The following EXOC5 variants were observed in gnomAD, a reference collection of about 807,000 sequenced individuals.
EXOC5 encodes SEC10-like 1.
A neutral mutation model predicts 90.8 loss-of-function variants in EXOC5; 17 were observed. The observed-to-expected ratio is 0.19, with a 90% CI of 0.13 to 0.28. The LOEUF is 0.28. EXOC5 is among the 10% of genes least tolerant of loss of function. EXOC5 has a pLI of 1.00. For missense variants in EXOC5, 569 were observed against 830.6 expected, an observed-to-expected ratio of 0.69 and a Z score of 3.87; for synonymous variants, 260 against 270.0, an observed-to-expected ratio of 0.96 and a Z score of 0.36.
At chr14:57,233,692 A>G in intron 9 of EXOC5, 51 bp downstream of exon 9, 1 of 1,152,062 alleles carries the variant, frequency 8.7e-7, no homozygotes, top group Non-Finnish European at 1.2e-6. Context: ...TATAGGGAAA[A>G]AATTACATAT....
chr14:57,232,731 A>G lies in EXOC5; in HGVS notation c.874T>C (p.Leu292=), dbSNP rs1308363841. 6.5e-7 allele frequency: 1 copy of G among 1,537,780 alleles called. No individual in the cohort carries two copies. The highest frequency in any genetic ancestry group is 8.9e-7 in the Non-Finnish European group (1 of 1,122,436). Residue 292 remains leucine, a synonymous_variant, in exon 10 of 18, where the codon TTA becomes CTA. Transcript: ENST00000621441. Reference sequence around the variant, plus strand: ...GCATCGGACTTCCTACATTCTTCTAACTGCTCTTTCACAAAACTCTAAAAG... The same window carrying G: ...GCATCGGACTTCCTACATTCTTCTAGCTGCTCTTTCACAAAACTCTAAAAG... ...IKLQSFVKEQ[L]EECRKSDAEQ...
intron 12 of EXOC5, among the ~76,000 whole-genome samples, chr14:57,228,917 T>C (rs1260945344): frequency 2.0e-5 from 3 of 152,164 alleles, no homozygotes; most frequent in Admixed American, 2.0e-4. Context: ...TAGCTACTAT[T>C]ATTTGTTTCA....
At chr14:57,237,828 CA>C (rs199757121) in intron 5 of EXOC5, among the ~76,000 whole-genome samples, 1,557 of 151,796 alleles carry the variant, frequency 0.01, 28 homozygotes, top group African/African-American at 0.036. Flanking sequence ...CATTATTATT[CA>C]AAAGAAAAAG....
In EXOC5 at chr14:57,260,815, A is replaced by T. The variant is rs1884482143; in HGVS notation, c.27+7807T>A. On this transcript the variant is annotated intron_variant, in intron 1 of 17. Transcript: ENST00000621441. ...GGATTCTAACCCAGATATTTTTCCC[A>T]CTCTATTATAGTGCCTTTAACATTT... Among the ~76,000 whole-genome samples, 4 of 152,174 alleles carry T rather than the reference A, an allele frequency of 2.6e-5. No individual in the cohort carries two copies. In the South Asian group the frequency reaches 8.3e-4, roughly 32 times the overall value.
chr14:57,242,181 T>A (rs1328519156), intron 4 of EXOC5, among the ~76,000 whole-genome samples: 1 of 151,078 alleles, frequency 6.6e-6, no homozygotes, highest in Non-Finnish European at 1.5e-5. Context: ...CCAACATATG[T>A]GTAAGGACAG....
intron 12 of EXOC5, among the ~76,000 whole-genome samples, chr14:57,227,732 C>G (rs1028071697): frequency 6.6e-6 from 1 of 152,054 alleles, no homozygotes; most frequent in Non-Finnish European, 1.5e-5. Context: ...ACTGCGTATG[C>G]GTATTCTTTG....
rs934477968 is a variant in EXOC5 at position 57,239,567 on chromosome 14, C to G, written c.530+28G>C. 2.4e-6 allele frequency: 3 copies of G among 1,266,826 alleles called. No individual in the cohort carries two copies. The African/African-American group carries it at 4.5e-5, about 19-fold the overall frequency. 78.5% of individuals were successfully genotyped at this position (1,266,826 alleles called of 1,614,324 possible). ...TATTTTATAAATTATACCACATATT[C>G]AAATTAGCTCTTGAGAAATGAACTT... On this transcript the variant is annotated intron_variant, in intron 5 of 17. Transcript: ENST00000621441.
At chr14:57,225,091 A>G (rs1030076702) in intron 12 of EXOC5, among the ~76,000 whole-genome samples, 1 of 152,158 alleles carries the variant, frequency 6.6e-6, no homozygotes, top group African/African-American at 2.4e-5. Context: ...TCCCTCATGA[A>G]CACAGATGTT....
intron 3 of EXOC5, among the ~76,000 whole-genome samples, chr14:57,245,942 C>T (rs537327992): frequency 4.5e-4 from 69 of 151,960 alleles, no homozygotes; most frequent in African/African-American, 1.6e-3. Context: ...CCTACCTACT[C>T]GGGAGGCTGA....
At position 57,260,679 on chromosome 14, in the gene EXOC5, G is replaced by A. The variant is rs567669270; in HGVS notation, c.27+7943C>T. Reference sequence around the variant, plus strand: ...AATCATATAATTAGATTTAAAATTCGTAATGCAAGAATGTTCTTTAAATAT... The same window carrying A: ...AATCATATAATTAGATTTAAAATTCATAATGCAAGAATGTTCTTTAAATAT... On this transcript the variant is annotated intron_variant, in intron 1 of 17. Transcript: ENST00000621441. 1.8e-4 allele frequency among the ~76,000 whole-genome samples: 28 copies of A among 152,112 alleles called. No homozygotes were observed. In the East Asian group the frequency reaches 3.9e-3, roughly 21 times the overall value.
intron 13 of EXOC5, among the ~76,000 whole-genome samples, chr14:57,221,060 CA>C (rs1883122607): frequency 6.6e-6 from 1 of 151,976 alleles, no homozygotes; most frequent in South Asian, 2.1e-4. Context: ...AAATTTAATG[CA>C]ATGAGAAGAT....
At position 57,229,190 on chromosome 14, in the gene EXOC5, A is replaced by C. The variant is rs1291493478; in HGVS notation, c.1296+544T>G. 2.0e-5 allele frequency among the ~76,000 whole-genome samples: 3 copies of C among 150,470 alleles called. No individual in the cohort carries two copies. The East Asian group carries it at 5.8e-4, about 29-fold the overall frequency. On this transcript the variant is annotated intron_variant, in intron 12 of 17. Coordinates refer to ENST00000621441, the MANE Select transcript of EXOC5 (RefSeq NM_006544.4). ...ATTTGATCTGCTCAACTTTAATTTAAAGTTATATTCACATTTATTCCTAAT... is the reference window on the plus strand; with the variant it reads ...ATTTGATCTGCTCAACTTTAATTTACAGTTATATTCACATTTATTCCTAAT...
rs553921194 is a variant in EXOC5, at chr14:57,239,851, G to A, written c.466-192C>T. Among the ~76,000 whole-genome samples the A allele has an allele frequency of 6.6e-5, 10 of 152,180 alleles. No homozygotes were observed. The East Asian group carries it at 1.9e-3, about 29-fold the overall frequency. On this transcript the variant is annotated intron_variant, in intron 4 of 17. Coordinates refer to ENST00000621441, the MANE Select transcript of EXOC5 (RefSeq NM_006544.4). Reference sequence around the variant, plus strand: ...ATACATTTGGGGTGTTACCAATAATGAGTCAATAATAACATAAACATTTAG... The same window carrying A: ...ATACATTTGGGGTGTTACCAATAATAAGTCAATAATAACATAAACATTTAG...
At chr14:57,216,368 C>A (rs920229053) in intron 15 of EXOC5, among the ~76,000 whole-genome samples, 1 of 151,580 alleles carries the variant, frequency 6.6e-6, no homozygotes, top group Non-Finnish European at 1.5e-5. Context: ...CTGGAAGCAT[C>A]GTACTTCTTG....
chr14:57,258,704 T>C (rs1048871500), intron 1 of EXOC5, among the ~76,000 whole-genome samples: 1 of 152,204 alleles, frequency 6.6e-6, no homozygotes, highest in African/African-American at 2.4e-5. Flanking sequence ...TTTGTGGTCA[T>C]TTCTACTGAA....
chr14:57,257,169 GA>G (rs1225738198), intron 1 of EXOC5, among the ~76,000 whole-genome samples: 10 of 151,474 alleles, frequency 6.6e-5, no homozygotes, highest in Non-Finnish European at 1.3e-4. Flanking sequence ...TGTGGAGAAA[GA>G]AAAAAAAGGA....
chr14:57,232,074 C>A (rs963201489), intron 10 of EXOC5: 2 of 177,496 alleles, frequency 1.1e-5, no homozygotes, highest in African/African-American at 4.8e-5. Flanking sequence ...TGTCTGTTCA[C>A]CCTCTTTTGT....
intron 1 of EXOC5, among the ~76,000 whole-genome samples, chr14:57,251,677 C>A (rs1884199081): frequency 6.6e-6 from 1 of 151,018 alleles, no homozygotes; most frequent in South Asian, 2.1e-4. Context: ...AAAGCCAAAG[C>A]TAACAGAAGG....
In EXOC5 at chr14:57,233,749, T is replaced by C. The variant is rs1400241848; in HGVS notation, c.849A>G (p.Lys283=). ...TGTTACTATTTAAAATTACCTGTAG[T>C]TTGATTTCAAATACATTTTGAATAA... ...AKLIQNVFEI[K]LQSFVKEQLE... is the part of the protein sequence containing the mutation. Residue 283 remains lysine, a synonymous_variant, in exon 9 of 18, where the codon AAA becomes AAG. Coordinates refer to ENST00000621441, the MANE Select transcript of EXOC5 (RefSeq NM_006544.4). The C allele has an allele frequency of 5.8e-6, 9 of 1,554,258 alleles. No homozygotes were observed. Among genetic ancestry groups the C allele is most frequent in the Non-Finnish European group, 7.1e-6 (8 of 1,130,160 alleles).
Sources: allele counts gnomAD v4.1 joint callset (sites outside exome capture counted in the v4.1 genomes callset), GRCh38; gene constraint gnomAD v4.1.1; transcripts MANE v1.5; gene names NCBI Gene and HGNC (gene_info 2026-07-23, HGNC 2026-07-21).